KMO: variants seen among roughly 807,000 people sequenced by gnomAD.
The protein encoded by KMO is kynurenine 3-hydroxylase.
In KMO, 24 loss-of-function variants were observed where a neutral mutation model predicts 57.8. The observed-to-expected ratio is 0.42, with a 90% CI of 0.30 to 0.58. KMO has a LOEUF of 0.58. Ranked by LOEUF, KMO falls within the 20% of genes least tolerant of loss-of-function variation. KMO has a pLI of 0.22. For synonymous variants in KMO, 210 were observed against 193.6 expected (o/e 1.08, Z -0.70); for missense variants, 483 against 588.2 (o/e 0.82, Z 1.85).
chr1:241,549,032 C>T (rs1397111989), intron 2 of KMO, 134 bp downstream of exon 2: 1 of 588,176 alleles, frequency 1.7e-6, no homozygotes. Flanking sequence ...AACCCCATCT[C>T]TACAAAAAAT....
chr1:241,535,460 T>A (rs952356502), intron 1 of KMO, among the ~76,000 whole-genome samples: 3 of 152,168 alleles, frequency 2.0e-5, no homozygotes, highest in Non-Finnish European at 4.4e-5. Flanking sequence ...ACTTGCCTAA[T>A]GAAAAGTCAC....
chr1:241,552,593 A>G (rs1661449545), intron 4 of KMO, among the ~76,000 whole-genome samples: 1 of 152,106 alleles, frequency 6.6e-6, no homozygotes, highest in Non-Finnish European at 1.5e-5. Context: ...GCCGTGTACC[A>G]TGGTGGTCCG....
intron 2 of KMO, among the ~76,000 whole-genome samples, chr1:241,549,241 GAAA>G (rs1558414819): frequency 1.2e-4 from 2 of 16,120 alleles, no homozygotes; most frequent in Admixed American, 5.1e-4. Context: ...AAGAAAGAAA[GAAA>G]GAAAGAAAGA....
chr1:241,560,778 T>G (rs1276450873), intron 6 of KMO, 26 bp downstream of exon 6: 8 of 1,505,060 alleles, frequency 5.3e-6, no homozygotes, highest in Admixed American at 3.3e-5. Flanking sequence ...GTTTTGGACT[T>G]CAGAGGTGAA....
At position 241,594,663 on chromosome 1, in the gene KMO, C is replaced by T; in HGVS notation, c.*2510C>T. 6.2e-7 allele frequency: 1 copy of T among 1,613,848 alleles called. No homozygotes were observed. The highest frequency in any genetic ancestry group is 8.5e-7 in the Non-Finnish European group (1 of 1,179,908). Reference sequence around the variant, plus strand: ...CCTCTGGCACCTCAGCAGTCGGAGGCACAGAAGCTGCAAAAGGGATCTTCG... The same window carrying T: ...CCTCTGGCACCTCAGCAGTCGGAGGTACAGAAGCTGCAAAAGGGATCTTCG... On this transcript the variant is annotated 3_prime_UTR_variant, in exon 15 of 15. Coordinates refer to ENST00000366559, the MANE Select transcript of KMO (RefSeq NM_003679.5).
chr1:241,534,674 C>G (rs1291541900), intron 1 of KMO, among the ~76,000 whole-genome samples: 1 of 152,240 alleles, frequency 6.6e-6, no homozygotes, highest in Non-Finnish European at 1.5e-5. Flanking sequence ...CCATTATCAT[C>G]CGCCATCCTT....
chr1:241,547,746 G>GT (rs904815086), intron 1 of KMO, among the ~76,000 whole-genome samples: 18 of 152,264 alleles, frequency 1.2e-4, no homozygotes, highest in African/African-American at 4.1e-4. Flanking sequence ...AGCTGCTGGT[G>GT]TTACAACCAA....
intron 4 of KMO, 33 bp downstream of exon 4, chr1:241,551,077 T>C: frequency 8.2e-7 from 1 of 1,224,860 alleles, no homozygotes; most frequent in South Asian, 1.3e-5. Flanking sequence ...TGTGCATTGA[T>C]TATAAGGAAG....
In KMO at chr1:241,586,659, C is replaced by CTT; in HGVS notation, c.958-12_958-11dup. On this transcript the variant is annotated intron_variant, in intron 10 of 14. Coordinates refer to ENST00000366559, the MANE Select transcript of KMO (RefSeq NM_003679.5). ...TTATTATTTCTAGTTTCTTATTTCT[C>CTT]TTTTTTTTTCTTGTTTCAGGGCTTT... The CTT allele has an allele frequency of 2.0e-6, 3 of 1,486,162 alleles. No individual in the cohort carries two copies. The highest frequency in any genetic ancestry group is 2.8e-6 in the Non-Finnish European group (3 of 1,084,860). 92.1% of individuals were successfully genotyped at this position (1,486,162 alleles called of 1,614,324 possible).
At chr1:241,538,247 C>T (rs1660817090) in intron 1 of KMO, among the ~76,000 whole-genome samples, 1 of 152,048 alleles carries the variant, frequency 6.6e-6, no homozygotes, top group Non-Finnish European at 1.5e-5. Context: ...TTTGTGCAGG[C>T]CCAGTTGAAG....
At chr1:241,554,013 A>G (rs1303616085) in intron 4 of KMO, among the ~76,000 whole-genome samples, 1 of 152,208 alleles carries the variant, frequency 6.6e-6, no homozygotes, top group Non-Finnish European at 1.5e-5. Context: ...GGAAAATTAT[A>G]TGCTTTAAAG....
intron 4 of KMO, among the ~76,000 whole-genome samples, chr1:241,553,522 A>G (rs962498339): frequency 6.6e-6 from 1 of 152,140 alleles, no homozygotes; most frequent in Non-Finnish European, 1.5e-5. Flanking sequence ...CCCTGTTTCT[A>G]TAAAAAAATT....
At chr1:241,558,301 A>G (rs1283660618) in intron 5 of KMO, among the ~76,000 whole-genome samples, 1 of 152,258 alleles carries the variant, frequency 6.6e-6, no homozygotes, top group Non-Finnish European at 1.5e-5. Flanking sequence ...AATTTCATAA[A>G]TGCCATAAAT....
At chr1:241,570,243 C>T (rs1244909125) in intron 10 of KMO, among the ~76,000 whole-genome samples, 2 of 151,660 alleles carry the variant, frequency 1.3e-5, no homozygotes, top group Admixed American at 1.3e-4. Context: ...TGATATGATC[C>T]CATTTGTCCT....
chr1:241,579,847 C>T (rs538488523), intron 10 of KMO, among the ~76,000 whole-genome samples: 2 of 152,276 alleles, frequency 1.3e-5, no homozygotes, highest in South Asian at 2.1e-4. Flanking sequence ...CTTCTCTCAA[C>T]CTGTGACTGC....
chr1:241,543,262 T>C (rs1414865372), intron 1 of KMO, among the ~76,000 whole-genome samples: 1 of 152,190 alleles, frequency 6.6e-6, no homozygotes, highest in East Asian at 1.9e-4. Context: ...CCCTTGCCTC[T>C]TTATATATAG....
intron 1 of KMO, among the ~76,000 whole-genome samples, chr1:241,547,190 A>G (rs1389393477): frequency 6.6e-6 from 1 of 152,222 alleles, no homozygotes; most frequent in East Asian, 1.9e-4. Flanking sequence ...TGATCTCAGA[A>G]TAGGCAAAGA....
intron 7 of KMO, 143 bp downstream of exon 7, chr1:241,562,475 G>A: frequency 6.8e-6 from 5 of 735,428 alleles, no homozygotes; most frequent in South Asian, 1.8e-5. Flanking sequence ...AGAATAAATG[G>A]GATGCATGGG....
At chr1:241,544,903 G>C (rs1055673510) in intron 1 of KMO, among the ~76,000 whole-genome samples, 1 of 152,098 alleles carries the variant, frequency 6.6e-6, no homozygotes, top group Non-Finnish European at 1.5e-5. Context: ...AAAAGAATCT[G>C]CAAATTTTTA....
Sources: gnomAD v4.1 joint callset for allele counts (sites outside exome capture counted in the v4.1 genomes callset) on GRCh38, gnomAD v4.1.1 for gene constraint, MANE v1.5 for transcripts, NCBI Gene and HGNC (gene_info 2026-07-23, HGNC 2026-07-21) for gene names.